UNC80: variants seen among roughly 807,000 people sequenced by gnomAD.
UNC80 encodes the protein unc-80 subunit of NALCN channel complex.
UNC80 carries 164 observed loss-of-function variants against 384.6 expected under a neutral mutation model. The observed-to-expected ratio is 0.43, with a 90% CI of 0.38 to 0.49. The LOEUF is 0.49. Ranked by LOEUF, UNC80 falls within the 20% of genes least tolerant of loss-of-function variation. The pLI is 0.00. For missense variants in UNC80, 3,330 were observed against 4,143.0 expected (o/e 0.80, Z 5.39); for synonymous variants, 1,486 against 1,527.8 (o/e 0.97, Z 0.64).
rs184378977 is a variant in UNC80, at chr2:209,901,603, A to G, written c.4582-3162A>G. Among the ~76,000 whole-genome samples the G allele has an allele frequency of 2.5e-4, 38 of 152,202 alleles. 1 individual carries two copies. The East Asian group carries it at 4.6e-3, about 19-fold the overall frequency. On this transcript the variant is annotated intron_variant, in intron 28 of 64. Transcript: ENST00000673920. ...TTCTGGAGCCCACAGATCAAGGTGT[A>G]TTTTGACTTTCAAGTCTTATGATTT... is the stretch of plus-strand genomic sequence containing the variant.
rs368581465 is a variant in UNC80 at position 209,957,718 on chromosome 2, C to T, written c.7532C>T (p.Ser2511Leu). The change falls in exon 49 of 65, where the codon TCG becomes TTG. Residue 2511 changes from serine to leucine, a missense_variant. By Grantham distance (145) the Ser-to-Leu change is moderately radical. This residue lies in a region of UNC80 where 1,049 missense variants were observed against 1,488.6 expected (regional missense o/e 0.70). Coordinates refer to ENST00000673920, the MANE Select transcript of UNC80 (RefSeq NM_001371986.1). The stretch of plus-strand genomic sequence containing the variant: ...ACCACCACAGCCAATCACACCATGT[C>T]GTCTGGGGTGAACACCAGGTAATTC... ...KGTTTANHTMSSGVNTRYQEQ... is the reference protein window; with the variant it reads ...KGTTTANHTMLSGVNTRYQEQ... The T allele has an allele frequency of 4.2e-5, 65 of 1,551,388 alleles. 1 individual carries two copies. The South Asian group carries it at 4.5e-4, about 11-fold the overall frequency.
At chr2:209,850,856 G>A (rs1237593849) in intron 22 of UNC80, among the ~76,000 whole-genome samples, 2 of 152,012 alleles carry the variant, frequency 1.3e-5, no homozygotes, top group Non-Finnish European at 2.9e-5. Flanking sequence ...TCTAAAGCAG[G>A]AGAGCTTGAC....
At chr2:209,978,394 T>G in intron 58 of UNC80, 135 bp from the exon 59 acceptor site, 1 of 693,872 alleles carries the variant, frequency 1.4e-6, no homozygotes, top group Non-Finnish European at 2.2e-6. Flanking sequence ...TTTGCAACTT[T>G]GTTATAAAGA....
At chr2:209,953,582 G>GTGGT (rs1553612577) in intron 47 of UNC80, among the ~76,000 whole-genome samples, 1 of 152,134 alleles carries the variant, frequency 6.6e-6, no homozygotes, top group Non-Finnish European at 1.5e-5. Flanking sequence ...TATCCAGTGA[G>GTGGT]TGGTGTTCAC....
Position 209,889,647 on chromosome 2 carries a change from G to A in UNC80, c.4276+1387G>A, listed in dbSNP as rs563524830. Among the ~76,000 whole-genome samples, 252 of 152,108 alleles carry A rather than the reference G, an allele frequency of 1.7e-3. 1 individual carries two copies. The highest frequency in any genetic ancestry group is 5.8e-3 in the African/African-American group (241 of 41,500). ...CCTAATGCAATCACTCCCATAGCCC[G>A]CCACCCACGGACAGGCCCCGGTGAG... On this transcript the variant is annotated intron_variant, in intron 26 of 64. Coordinates refer to ENST00000673920, the MANE Select transcript of UNC80 (RefSeq NM_001371986.1).
chr2:209,916,716 A>T (rs570597194), intron 31 of UNC80, among the ~76,000 whole-genome samples: 2 of 152,346 alleles, frequency 1.3e-5, no homozygotes, highest in Admixed American at 6.5e-5. Flanking sequence ...GATAATTGAA[A>T]GGACTTATCT....
chr2:209,773,725 T>G (rs989939105), intron 2 of UNC80, among the ~76,000 whole-genome samples: 1 of 152,230 alleles, frequency 6.6e-6, no homozygotes, highest in African/African-American at 2.4e-5. Flanking sequence ...CTGAGACTTA[T>G]AGTGGAAGTT....
At chr2:209,794,305 A>G (rs1029291556) in intron 7 of UNC80, among the ~76,000 whole-genome samples, 3 of 152,204 alleles carry the variant, frequency 2.0e-5, no homozygotes, top group African/African-American at 4.8e-5. Flanking sequence ...TTTGGTGCAC[A>G]TAGTGAATTT....
At chr2:209,909,206 T>C (rs2088622218) in intron 29 of UNC80, among the ~76,000 whole-genome samples, 1 of 152,194 alleles carries the variant, frequency 6.6e-6, no homozygotes, top group Non-Finnish European at 1.5e-5. Context: ...TCAAAAAATA[T>C]TCTTGAATTA....
At chr2:209,869,665 C>T (rs1346782019) in intron 22 of UNC80, among the ~76,000 whole-genome samples, 2 of 152,080 alleles carry the variant, frequency 1.3e-5, no homozygotes. Context: ...TGTCATCATC[C>T]TTGATGGAAA....
Position 209,777,371 on chromosome 2 carries a change from G to A in UNC80, c.412G>A (p.Gly138Ser). ...TGAGCGGTTTGGGGGTACAGACCGA[G>A]GCTCCAGCTGGGGTGGAAGCAGCAG... ...NNERFGGTDRGSSWGGSSSAF... is the reference protein window; with the variant it reads ...NNERFGGTDRSSSWGGSSSAF... Residue 138 changes from glycine to serine, a missense_variant, in exon 4 of 65, where the codon GGC becomes AGC. Gly to Ser is a moderately conservative substitution (Grantham distance 56). This residue lies in a region of UNC80 where 937 missense variants were observed against 1,026.8 expected (regional missense o/e 0.91). Transcript: ENST00000673920. 6 of 1,614,218 alleles carry A rather than the reference G, an allele frequency of 3.7e-6. No homozygotes were observed. Among genetic ancestry groups the A allele is most frequent in the Non-Finnish European group, 5.1e-6 (6 of 1,180,050 alleles).
chr2:209,929,905 T>C lies in UNC80; in HGVS notation c.5841T>C (p.Cys1947=). ...SAVAQQVLWN[C]LIEDPSTVLR... is the part of the protein sequence containing the mutation. ...TGGCTCAACAAGTCTTATGGAACTG[T>C]CTAATTGAAGATCCATCAACGGTTC... Residue 1947 remains cysteine (C), a synonymous_variant, in exon 37 of 65, where the codon TGT becomes TGC. Coordinates refer to ENST00000673920, the MANE Select transcript of UNC80 (RefSeq NM_001371986.1). 1 of 1,536,618 alleles carries C rather than the reference T, an allele frequency of 6.5e-7. No homozygotes were observed.
intron 60 of UNC80, among the ~76,000 whole-genome samples, chr2:209,983,303 AG>A (rs2093203845): frequency 6.6e-6 from 1 of 151,314 alleles, no homozygotes. Flanking sequence ...CCAAGTTTGG[AG>A]AATATCAAAG....
rs1402937378 is a variant in UNC80, at chr2:209,826,003, C to A, written c.2428C>A (p.His810Asn). 1 of 1,550,650 alleles carries A rather than the reference C, an allele frequency of 6.4e-7. No individual in the cohort carries two copies. The highest frequency in any genetic ancestry group is 2.0e-5 in the Admixed American group (1 of 50,924). Reference sequence around the variant, plus strand: ...ATGTGCCTATGGTTGTGGTGAAGGACACCGAGGGCTCTCTGGAGATCGTCT... The same window carrying A: ...ATGTGCCTATGGTTGTGGTGAAGGAAACCGAGGGCTCTCTGGAGATCGTCT... Reference protein sequence around the residue: ...LGCAYGCGEGHRGLSGDRLRH... With the variant: ...LGCAYGCGEGNRGLSGDRLRH... Residue 810 changes from histidine to asparagine, a missense_variant, in exon 14 of 65, where the codon CAC becomes AAC. His to Asn is a moderately conservative substitution (Grantham distance 68). Coordinates refer to ENST00000673920, the MANE Select transcript of UNC80 (RefSeq NM_001371986.1).
rs112256774 is a variant in UNC80 at position 209,892,608 on chromosome 2, G to A, written c.4277-1555G>A. Among the ~76,000 whole-genome samples the A allele has an allele frequency of 2.7e-3, 415 of 152,222 alleles. 3 individuals are homozygous for A. Among genetic ancestry groups the A allele is most frequent in the Non-Finnish European group, 3.4e-3 (233 of 68,006 alleles). On this transcript the variant is annotated intron_variant, in intron 26 of 64. Coordinates refer to ENST00000673920, the MANE Select transcript of UNC80 (RefSeq NM_001371986.1). ...TTGCTGCATCTGTAGGCCAAAAAGT[G>A]TCATAAAATTGGGCAAAGAATATTA...
chr2:209,871,882 T>A (rs1019685736), intron 22 of UNC80, among the ~76,000 whole-genome samples: 1 of 151,864 alleles, frequency 6.6e-6, no homozygotes, highest in African/African-American at 2.4e-5. Flanking sequence ...AAATGCTCTA[T>A]CATTTATCAA....
At chr2:209,853,421 T>C (rs79186125) in intron 22 of UNC80, among the ~76,000 whole-genome samples, 1 of 151,416 alleles carries the variant, frequency 6.6e-6, no homozygotes, top group African/African-American at 2.4e-5. Flanking sequence ...TGCTGACCTG[T>C]TTTTTTTGTT....
intron 25 of UNC80, among the ~76,000 whole-genome samples, chr2:209,886,511 A>T (rs981496906): frequency 6.6e-6 from 1 of 152,170 alleles, no homozygotes; most frequent in South Asian, 2.1e-4. Flanking sequence ...CAAATTCTCA[A>T]TTTGGGGCCT....
Position 209,941,351 on chromosome 2 carries a change from T to A in UNC80, c.6777T>A (p.Phe2259Leu). Residue 2259 changes from phenylalanine to leucine, a missense_variant, in exon 44 of 65, where the codon TTT becomes TTA. By Grantham distance (22) the Phe-to-Leu change is conservative. This residue lies in a region of UNC80 where 1,049 missense variants were observed against 1,488.6 expected (regional missense o/e 0.70). Transcript: ENST00000673920. The stretch of plus-strand genomic sequence containing the variant: ...AAATCATGCTTTTCCTCAACGTTTT[T>A]AACGGGGCTCTGATCCTCCACCCGG... ...GDEIMLFLNV[F>L]NGALILHPED... 6.4e-7 allele frequency: 1 copy of A among 1,551,266 alleles called. No homozygotes were observed. The highest frequency in any genetic ancestry group is 1.2e-5 in the South Asian group (1 of 84,032).
Sources: allele counts gnomAD v4.1 joint callset (sites outside exome capture counted in the v4.1 genomes callset), GRCh38; gene constraint gnomAD v4.1.1; regional missense constraint gnomAD v4.1.1; transcripts MANE v1.5; gene names NCBI Gene and HGNC (gene_info 2026-07-23, HGNC 2026-07-21).